The following CREBBP variants were observed in gnomAD, a reference collection of about 807,000 sequenced individuals.
The protein encoded by CREBBP is CREB-binding protein.
In CREBBP, 19 loss-of-function variants were observed where a neutral mutation model predicts 265.0. The ratio of observed to expected loss-of-function variants is 0.07; its 90% CI spans 0.05 to 0.11. CREBBP has a LOEUF of 0.11. CREBBP is among the 10% of genes least tolerant of loss of function. The pLI is 1.00. For synonymous variants in CREBBP, 1,457 were observed against 1,223.7 expected (o/e 1.19, Z -3.98); for missense variants, 2,525 against 3,219.0 (o/e 0.78, Z 5.22).
chr16:3,760,603 C>G (rs951199913), intron 16 of CREBBP, among the ~76,000 whole-genome samples: 2 of 151,730 alleles, frequency 1.3e-5, no homozygotes, highest in Non-Finnish European at 2.9e-5. Flanking sequence ...TGGGTTTCAT[C>G]ATGTTGGCCA....
In CREBBP at chr16:3,851,306, T is replaced by TA. The variant is rs1160251196; in HGVS notation, c.86-298dup. ...ACCGTCTCAAAAAAAAAAAAAAAAT[T>TA]AAAAAAAAAAAAAAAAAAAGAGTAA... On this transcript the variant is annotated intron_variant, in intron 1 of 30. Transcript: ENST00000262367. 8.1e-3 allele frequency among the ~76,000 whole-genome samples: 621 copies of TA among 76,498 alleles called. 4 individuals are homozygous for TA. Among genetic ancestry groups the TA allele is most frequent in the East Asian group, 0.01 (30 of 2,904 alleles). 50.2% of individuals were successfully genotyped at this position (76,498 alleles called of 152,430 possible).
intron 2 of CREBBP, among the ~76,000 whole-genome samples, chr16:3,839,253 G>C (rs932050080): frequency 6.6e-6 from 1 of 152,200 alleles, no homozygotes; most frequent in Non-Finnish European, 1.5e-5. Flanking sequence ...AAAGCAATTA[G>C]CCACTACATC....
chr16:3,838,141 C>G (rs1291380635), intron 2 of CREBBP, among the ~76,000 whole-genome samples: 1 of 152,056 alleles, frequency 6.6e-6, no homozygotes, highest in East Asian at 1.9e-4. Context: ...GTCAGGTGTA[C>G]TATTTTAAAT....
intron 1 of CREBBP, among the ~76,000 whole-genome samples, chr16:3,851,720 G>A: frequency 6.6e-6 from 1 of 151,584 alleles, no homozygotes; most frequent in Admixed American, 6.6e-5. Context: ...CGGGCGCGGT[G>A]GCGGGCGCCT....
chr16:3,862,009 G>C (rs1458438060), intron 1 of CREBBP, among the ~76,000 whole-genome samples: 1 of 152,190 alleles, frequency 6.6e-6, no homozygotes, highest in East Asian at 1.9e-4. Context: ...GGAGAAGGAA[G>C]CGAGTCACTG....
Position 3,725,484 on chromosome 16 carries a change from G to C in CREBBP, c.*2234C>G, listed in dbSNP as rs1054695484. 4.3e-6 allele frequency: 1 copy of C among 233,156 alleles called. No homozygotes were observed. The highest frequency in any genetic ancestry group is 1.8e-4 in the South Asian group (1 of 5,532). The allele number at this position is 233,156 out of a possible 1,614,324, so 14.4% of individuals were successfully genotyped here. A position where few individuals can be genotyped will look rare whatever the true frequency, so the allele number is the denominator to read the frequency against. On this transcript the variant is annotated 3_prime_UTR_variant, in exon 31 of 31. Transcript: ENST00000262367. ...TTCTTGTTTGAACACATGGCTCAAG[G>C]TTTCCCTACGGGTGGAAAAGATGAA...
At chr16:3,794,013 G>C (rs1029501895) in intron 3 of CREBBP, among the ~76,000 whole-genome samples, 1 of 152,076 alleles carries the variant, frequency 6.6e-6, no homozygotes, top group East Asian at 1.9e-4. Context: ...AATTTCATAG[G>C]GTACAACCTA....
chr16:3,816,120 C>T (rs2054032550), intron 2 of CREBBP, among the ~76,000 whole-genome samples: 1 of 152,094 alleles, frequency 6.6e-6, no homozygotes, highest in South Asian at 2.1e-4. Context: ...AGTTTAATCT[C>T]AGAAAATAGG....
intron 3 of CREBBP, among the ~76,000 whole-genome samples, chr16:3,808,041 C>T (rs1388231931): frequency 4.1e-5 from 6 of 147,028 alleles, no homozygotes; most frequent in Admixed American, 2.8e-4. Flanking sequence ...TTCCCATGGA[C>T]AAAAATGCTT....
chr16:3,755,592 C>G (rs751516682), intron 19 of CREBBP, among the ~76,000 whole-genome samples: 1 of 152,108 alleles, frequency 6.6e-6, no homozygotes, highest in Non-Finnish European at 1.5e-5. Context: ...AAGCTTAATA[C>G]ATTAATACAT....
intron 1 of CREBBP, among the ~76,000 whole-genome samples, chr16:3,867,396 GT>G (rs746283983): frequency 2.0e-5 from 3 of 152,182 alleles, no homozygotes; most frequent in African/African-American, 4.8e-5. Context: ...GGAGGCTGAA[GT>G]GGGAGGATGG....
chr16:3,733,971 T>C (rs2051985612), intron 28 of CREBBP, among the ~76,000 whole-genome samples: 1 of 152,212 alleles, frequency 6.6e-6, no homozygotes, highest in African/African-American at 2.4e-5. Context: ...AATTATAAAA[T>C]AAATATGTTC....
chr16:3,764,591 AATTT>A (rs1316708254), intron 16 of CREBBP, among the ~76,000 whole-genome samples: 7 of 151,684 alleles, frequency 4.6e-5, no homozygotes, highest in African/African-American at 1.7e-4. Flanking sequence ...TTAATTAATT[AATTT>A]ATTTTTGAGA....
intron 2 of CREBBP, among the ~76,000 whole-genome samples, chr16:3,829,761 T>G (rs2054305746): frequency 6.6e-6 from 1 of 152,180 alleles, no homozygotes; most frequent in Non-Finnish European, 1.5e-5. Context: ...ATCCACCATT[T>G]CCACTACACA....
chr16:3,828,409 G>C (rs1435725629), intron 2 of CREBBP, among the ~76,000 whole-genome samples: 1 of 152,174 alleles, frequency 6.6e-6, no homozygotes, highest in East Asian at 1.9e-4. Flanking sequence ...ACTTCTTTAT[G>C]GGTCTTACAA....
At chr16:3,799,742 G>A (rs569246803) in intron 3 of CREBBP, among the ~76,000 whole-genome samples, 1 of 152,294 alleles carries the variant, frequency 6.6e-6, no homozygotes, top group South Asian at 2.1e-4. Flanking sequence ...AAATAAGGCA[G>A]ACCTCAAATA....
rs752313638 is a variant in CREBBP, at chr16:3,729,347, G to C, written c.5700C>G (p.Pro1900=). ...GCTGGGCAGGGGGCTGCGGCGTCTGGGGTGTGCTGGGCTGCTGTGTGGGGG... is the reference window on the plus strand; with the variant it reads ...GCTGGGCAGGGGGCTGCGGCGTCTGCGGTGTGCTGGGCTGCTGTGTGGGGG... The part of the protein sequence containing the change: ...PGTPTQQPST[P]QTPQPPAQPQ... The change falls in exon 31 of 31, where the codon CCC becomes CCG. Residue 1900 remains proline (P), a synonymous_variant. Coordinates refer to ENST00000262367, the MANE Select transcript of CREBBP (RefSeq NM_004380.3). 6.3e-7 allele frequency: 1 copy of C among 1,599,208 alleles called. No individual in the cohort carries two copies. The highest frequency in any genetic ancestry group is 1.3e-5 in the African/African-American group (1 of 74,764).
At position 3,814,164 on chromosome 16, in the gene CREBBP, AGTGTGT is replaced by A. The variant is rs35866243; in HGVS notation, c.799-3391_799-3386del. On this transcript the variant is annotated intron_variant, in intron 2 of 30. Coordinates refer to ENST00000262367, the MANE Select transcript of CREBBP (RefSeq NM_004380.3). ...CTTTTCTAACTGGTCAATGTTGTTT[AGTGTGT>A]GTGTGTGTGTGTGTGTGTGTGTGTG... Among the ~76,000 whole-genome samples the A allele has an allele frequency of 9.0e-3, 1,073 of 119,758 alleles. 4 individuals carry two copies. Among genetic ancestry groups the A allele is most frequent in the Middle Eastern group, 0.031 (7 of 224 alleles). The allele number at this position is 119,758 out of a possible 152,430, so 78.6% of individuals were successfully genotyped here. A position where few individuals can be genotyped will look rare whatever the true frequency, so the allele number is the denominator to read the frequency against.
chr16:3,814,429 A>AT lies in CREBBP; in HGVS notation c.799-3651dup, dbSNP rs1031966096. Among the ~76,000 whole-genome samples the AT allele has an allele frequency of 3.9e-5, 6 of 152,010 alleles. 1 individual carries two copies. The South Asian group carries it at 1.0e-3, about 26-fold the overall frequency. On this transcript the variant is annotated intron_variant, in intron 2 of 30. Transcript: ENST00000262367. ...ACCACCACACCCAGCAAATTTTTGT[A>AT]TTTTTTAGTAGAGACAGGGTTTTAC...
Sources: gnomAD v4.1 joint callset for allele counts (sites outside exome capture counted in the v4.1 genomes callset) on GRCh38, gnomAD v4.1.1 for gene constraint, MANE v1.5 for transcripts, NCBI Gene and HGNC (gene_info 2026-07-23, HGNC 2026-07-21) for gene names.